MLXIP: variants seen among roughly 807,000 people sequenced by gnomAD.
The protein encoded by MLXIP is MLX-interacting protein.
A neutral mutation model predicts 87.2 loss-of-function variants in MLXIP; 30 were observed. That is an observed-to-expected ratio of 0.34 (90% CI 0.26 to 0.47). The LOEUF (loss-of-function observed/expected upper bound fraction) is 0.47. Among genes scored for constraint, MLXIP ranks in the 20% least tolerant of loss-of-function variants. The probability of loss-of-function intolerance (pLI) is 1.00; values close to 1 mark genes in which losing one functional copy is unlikely to be tolerated. For synonymous variants in MLXIP, 530 were observed against 514.0 expected (o/e 1.03, Z -0.42); for missense variants, 1,002 against 1,240.1 (o/e 0.81, Z 2.88).
chr12:122,092,916 T>TGATGTGTGTTGGTGTGTGG (rs1555227203), intron 1 of MLXIP, among the ~76,000 whole-genome samples: 82,187 of 150,614 alleles, frequency 0.55, 22,616 homozygotes, highest in African/African-American at 0.6. Context: ...TTGTTGTGTG[T>TGATGTGTGTTGGTGTGTGG]GATGTGTGTG....
chr12:122,100,532 T>G (rs1952421336), intron 1 of MLXIP, among the ~76,000 whole-genome samples: 1 of 152,248 alleles, frequency 6.6e-6, no homozygotes, highest in African/African-American at 2.4e-5. Context: ...TGAATATTAT[T>G]TATTGCATTA....
At chr12:122,095,625 C>T (rs1359291989) in intron 1 of MLXIP, among the ~76,000 whole-genome samples, 2 of 151,792 alleles carry the variant, frequency 1.3e-5, no homozygotes. Context: ...ATTGTTATTT[C>T]TCTATGTTCA....
Position 122,133,229 on chromosome 12 carries a change from T to G in MLXIP, c.1093-119T>G, listed in dbSNP as rs1037938480. On this transcript the variant is annotated intron_variant, in intron 8 of 16. Coordinates refer to ENST00000319080, the MANE Select transcript of MLXIP (RefSeq NM_014938.6). The surrounding 1 kb of genome is among the most constrained non-coding windows in gnomAD (Gnocchi z 4.9). ...ATCAGCAGCCATGGACGTGGAGACGTGGCCTTTGTCCCTCTGTCCCAGCGC... is the reference window on the plus strand; with the variant it reads ...ATCAGCAGCCATGGACGTGGAGACGGGGCCTTTGTCCCTCTGTCCCAGCGC... 8 of 1,151,968 alleles carry G rather than the reference T, an allele frequency of 6.9e-6. No individual in the cohort carries two copies. The Admixed American group carries it at 1.8e-4, about 25-fold the overall frequency. The allele number at this position is 1,151,968 out of a possible 1,614,324, so 71.4% of individuals were successfully genotyped here.
Position 122,130,894 on chromosome 12 carries a change from C to CCTA in MLXIP, c.962_964dup (p.Pro321_Asn322insThr). ...CCAGCCGGGACTGATTCCTTTGCAGCCTAACCTGGACTTCATGGACACCTT... is the reference window on the plus strand; with the variant it reads ...CCAGCCGGGACTGATTCCTTTGCAGCCTACTAACCTGGACTTCATGGACACCTT... On this transcript the variant is annotated inframe_insertion, in exon 7 of 17. Coordinates refer to ENST00000319080, the MANE Select transcript of MLXIP (RefSeq NM_014938.6). 1 of 1,613,768 alleles carries CCTA rather than the reference C, an allele frequency of 6.2e-7. No individual in the cohort carries two copies. The highest frequency in any genetic ancestry group is 8.5e-7 in the Non-Finnish European group (1 of 1,179,720).
chr12:122,132,706 A>G (rs1953002263), intron 8 of MLXIP: 1 of 287,520 alleles, frequency 3.5e-6, no homozygotes, highest in Non-Finnish European at 6.5e-6. Context: ...ACTAATAAAA[A>G]TAACTTCTGT....
At chr12:122,103,062 G>A (rs771199641) in intron 1 of MLXIP, among the ~76,000 whole-genome samples, 16 of 152,110 alleles carry the variant, frequency 1.1e-4, no homozygotes, top group Admixed American at 3.3e-4. Context: ...GAAGTGCAGC[G>A]GCATGATCAC....
chr12:122,113,366 C>G lies in MLXIP; in HGVS notation c.414-13890C>G, dbSNP rs115618364. Among the ~76,000 whole-genome samples the G allele has an allele frequency of 3.5e-3, 533 of 152,282 alleles. 1 individual carries two copies. The highest frequency in any genetic ancestry group is 0.012 in the African/African-American group (491 of 41,560). On this transcript the variant is annotated intron_variant, in intron 1 of 16. Transcript: ENST00000319080. Reference sequence around the variant, plus strand: ...CCCTGCAGCTTCCACCTCCTGGACTCAGGTGCTCCTCCCACCTCAGCCTCC... The same window carrying G: ...CCCTGCAGCTTCCACCTCCTGGACTGAGGTGCTCCTCCCACCTCAGCCTCC...
At chr12:122,095,449 A>G (rs1360405058) in intron 1 of MLXIP, among the ~76,000 whole-genome samples, 1 of 152,024 alleles carries the variant, frequency 6.6e-6, no homozygotes, top group African/African-American at 2.4e-5. Context: ...TAAGTGCCTT[A>G]GCATAGGCCT....
At chr12:122,094,690 G>T (rs1360226885) in intron 1 of MLXIP, among the ~76,000 whole-genome samples, 4 of 146,580 alleles carry the variant, frequency 2.7e-5, no homozygotes, top group Non-Finnish European at 6.0e-5. Flanking sequence ...GATGTCTGTT[G>T]TGTGTTGTGT....
intron 15 of MLXIP, among the ~76,000 whole-genome samples, chr12:122,139,917 C>T (rs1050391875): frequency 6.6e-6 from 1 of 152,070 alleles, no homozygotes; most frequent in East Asian, 1.9e-4. Context: ...CAGGTGATCC[C>T]CCTGCCTTGG....
intron 1 of MLXIP, among the ~76,000 whole-genome samples, chr12:122,104,562 A>G (rs1018808699): frequency 6.8e-6 from 1 of 148,072 alleles, no homozygotes; most frequent in African/African-American, 2.5e-5. Context: ...TGGCTTTACC[A>G]TAATTACCTT....
intron 1 of MLXIP, among the ~76,000 whole-genome samples, chr12:122,123,561 C>T (rs1952819240): frequency 6.6e-6 from 1 of 152,222 alleles, no homozygotes; most frequent in Non-Finnish European, 1.5e-5. Flanking sequence ...TTTGAGGTTT[C>T]TAGCCTGTAA....
intron 1 of MLXIP, among the ~76,000 whole-genome samples, chr12:122,117,952 G>GTTGAGAAC (rs1369312046): frequency 6.6e-6 from 1 of 152,194 alleles, no homozygotes; most frequent in Admixed American, 6.5e-5. Flanking sequence ...GCCTTGTTAA[G>GTTGAGAAC]TTGAGAACTT....
chr12:122,128,013 G>A, intron 3 of MLXIP, 45 bp downstream of exon 3: 1 of 1,538,136 alleles, frequency 6.5e-7, no homozygotes, highest in East Asian at 2.3e-5. Context: ...AAACATACCA[G>A]CACCTCACCG....
rs571953806 is a variant in MLXIP, at chr12:122,098,923, C to T, written c.413+19657C>T. On this transcript the variant is annotated intron_variant, in intron 1 of 16. Coordinates refer to ENST00000319080, the MANE Select transcript of MLXIP (RefSeq NM_014938.6). ...TGCTCAGCAGGAGCAGCGGGAACAGCGTCTTAGGACAGTGAGTTAACTACT... is the reference window on the plus strand; with the variant it reads ...TGCTCAGCAGGAGCAGCGGGAACAGTGTCTTAGGACAGTGAGTTAACTACT... Among the ~76,000 whole-genome samples, 27 of 152,318 alleles carry T rather than the reference C, an allele frequency of 1.8e-4. 1 individual carries two copies. Among genetic ancestry groups the T allele is most frequent in the South Asian group, 1.7e-3 (8 of 4,828 alleles).
chr12:122,117,086 T>A (rs1293369531), intron 1 of MLXIP, among the ~76,000 whole-genome samples: 3 of 152,118 alleles, frequency 2.0e-5, no homozygotes, highest in Non-Finnish European at 4.4e-5. Context: ...ACATACACCC[T>A]CACAAACAAG....
chr12:122,083,845 A>C (rs1025155679), intron 1 of MLXIP, among the ~76,000 whole-genome samples: 1 of 152,246 alleles, frequency 6.6e-6, no homozygotes, highest in African/African-American at 2.4e-5. Context: ...AGCACAGTTA[A>C]CCAGTTGTAA....
At chr12:122,139,656 GAC>G (rs1478079627) in intron 15 of MLXIP, among the ~76,000 whole-genome samples, 1 of 152,180 alleles carries the variant, frequency 6.6e-6, no homozygotes, top group Non-Finnish European at 1.5e-5. Context: ...TGCTGGAAGG[GAC>G]AGAGTGTTTT....
At chr12:122,121,001 G>A (rs1952770242) in intron 1 of MLXIP, among the ~76,000 whole-genome samples, 1 of 79,800 alleles carries the variant, frequency 1.3e-5, no homozygotes, top group Non-Finnish European at 2.4e-5. Context: ...AGAGCCCTCT[G>A]CATGCTTGGT....
Sources: gnomAD v4.1 joint callset for allele counts (sites outside exome capture counted in the v4.1 genomes callset) on GRCh38, gnomAD v4.1.1 for gene constraint, Gnocchi (gnomAD v3.1) non-coding constraint, MANE v1.5 for transcripts, NCBI Gene and HGNC (gene_info 2026-07-23, HGNC 2026-07-21) for gene names.